The following ATP11B variants were observed in gnomAD, a reference collection of about 807,000 sequenced individuals.
ATP11B encodes the protein ATPase phospholipid transporting 11B (putative).
In ATP11B, 81 loss-of-function variants were observed where a neutral mutation model predicts 157.8. That is an observed-to-expected ratio of 0.51 (90% CI 0.43 to 0.62). The LOEUF (loss-of-function observed/expected upper bound fraction) is 0.62, where lower values mean the gene tolerates loss of function less well. Ranked by LOEUF, ATP11B falls within the 20% of genes least tolerant of loss-of-function variation. The pLI is 0.00. For synonymous variants in ATP11B, 451 were observed against 469.4 expected, an observed-to-expected ratio of 0.96 and a Z score of 0.51; for missense variants, 1,165 against 1,402.2, an observed-to-expected ratio of 0.83 and a Z score of 2.70.
Position 182,793,562 on chromosome 3 carries a change from C to T in ATP11B, c.-198C>T. On this transcript the variant is annotated 5_prime_UTR_variant, in exon 1 of 30. Coordinates refer to ENST00000323116, the MANE Select transcript of ATP11B (RefSeq NM_014616.3). ...TCAGCTGCGCCGGGCGGGGGCGGCG[C>T]CGGGGCCGCGCCTGTAGGACTCGGG... 1 of 364,326 alleles carries T rather than the reference C, an allele frequency of 2.7e-6. No homozygotes were observed. The allele number at this position is 364,326 out of a possible 1,614,324, so 22.6% of individuals were successfully genotyped here. A position where few individuals can be genotyped will look rare whatever the true frequency, so the allele number is the denominator to read the frequency against.
At position 182,889,444 on chromosome 3, in the gene ATP11B, A is replaced by G. The variant is rs1723026025; in HGVS notation, c.2878A>G (p.Thr960Ala). Residue 960 changes from threonine to alanine, a missense_variant, in exon 25 of 30, where the codon ACA becomes GCA. Physicochemically the swap from Thr to Ala is moderately conservative, Grantham distance 58. Coordinates refer to ENST00000323116, the MANE Select transcript of ATP11B (RefSeq NM_014616.3). ...TAAAAACCGCCTCTTAAGTATTAAA[A>G]CATTTCTTTATTGGACCATCCTGGG... Reference protein sequence around the residue: ...ISKNRLLSIKTFLYWTILGFS... With the variant: ...ISKNRLLSIKAFLYWTILGFS... 2 of 1,576,950 alleles carry G rather than the reference A, an allele frequency of 1.3e-6. No homozygotes were observed. Among genetic ancestry groups the G allele is most frequent in the Non-Finnish European group, 1.7e-6 (2 of 1,166,920 alleles).
chr3:182,913,555 T>C (rs558034354), intron 28 of ATP11B, among the ~76,000 whole-genome samples: 13 of 152,352 alleles, frequency 8.5e-5, no homozygotes, highest in Non-Finnish European at 1.3e-4. Flanking sequence ...GAGTGGTTGA[T>C]GGAAATCATT....
At chr3:182,838,785 T>TTATATATA (rs757823857) in intron 7 of ATP11B, among the ~76,000 whole-genome samples, 2 of 145,008 alleles carry the variant, frequency 1.4e-5, no homozygotes, top group African/African-American at 5.2e-5. Flanking sequence ...GTGCTATATA[T>TTATATATA]TATATATATA....
rs1577081868 is a variant in ATP11B, at chr3:182,889,337, T to C, written c.2844-73T>C. 8 of 1,053,704 alleles carry C rather than the reference T, an allele frequency of 7.6e-6. No homozygotes were observed. In the East Asian group the frequency reaches 2.0e-4, roughly 26 times the overall value. 65.3% of individuals were successfully genotyped at this position (1,053,704 alleles called of 1,614,324 possible). ...AATCTATCTTGTTTTTTAATTATCA[T>C]ATTATATTAATTGTTTAGTGGGCAA... On this transcript the variant is annotated intron_variant, in intron 24 of 29. Coordinates refer to ENST00000323116, the MANE Select transcript of ATP11B (RefSeq NM_014616.3).
intron 7 of ATP11B, 87 bp from the exon 8 acceptor site, chr3:182,841,988 A>AC (rs927469970): frequency 4.7e-6 from 4 of 856,992 alleles, no homozygotes; most frequent in Admixed American, 2.5e-5. Flanking sequence ...AAAAAAAAAA[A>AC]AAAAAAAAAC....
intron 1 of ATP11B, among the ~76,000 whole-genome samples, chr3:182,814,572 T>G (rs778498351): frequency 6.6e-6 from 1 of 151,766 alleles, no homozygotes; most frequent in Non-Finnish European, 1.5e-5. Flanking sequence ...CTTTGGGAGA[T>G]TGAGGAAGGA....
chr3:182,868,936 T>C (rs954854516), intron 15 of ATP11B, 142 bp from the exon 16 acceptor site: 3 of 570,524 alleles, frequency 5.3e-6, no homozygotes, highest in Non-Finnish European at 9.2e-6. Flanking sequence ...ATTAATGGCA[T>C]GTAACCTATC....
Position 182,824,111 on chromosome 3 carries a change from G to A in ATP11B, c.144+3735G>A, listed in dbSNP as rs543178356. On this transcript the variant is annotated intron_variant, in intron 2 of 29. Transcript: ENST00000323116. ...TCTTTTGTGCCTGACTTCTTTTTTC[G>A]TAACATAATGCTTTTGGGGTTCATT... 1.0e-3 allele frequency among the ~76,000 whole-genome samples: 157 copies of A among 151,482 alleles called. 2 individuals carry two copies. Among genetic ancestry groups the A allele is most frequent in the African/African-American group, 3.2e-3 (132 of 41,242 alleles).
rs1725416547 is a variant in ATP11B at position 182,920,591 on chromosome 3, A to AATC, written c.*2489_*2491dup. ...GCAAAATGCTAAATACGTTATTGCTAATCAGTGGTCTCAAATCGATTTGCC... is the reference window on the plus strand; with the variant it reads ...GCAAAATGCTAAATACGTTATTGCTAATCATCAGTGGTCTCAAATCGATTTGCC... On this transcript the variant is annotated 3_prime_UTR_variant, in exon 30 of 30. Transcript: ENST00000323116. The AATC allele has an allele frequency of 2.0e-5, 3 of 152,340 alleles. No individual in the cohort carries two copies. In the South Asian group the frequency reaches 6.2e-4, roughly 32 times the overall value. The allele number at this position is 152,340 out of a possible 1,614,324, so 9.4% of individuals were successfully genotyped here. A position where few individuals can be genotyped will look rare whatever the true frequency, so the allele number is the denominator to read the frequency against.
intron 1 of ATP11B, among the ~76,000 whole-genome samples, chr3:182,803,826 C>CA (rs980527320): frequency 3.9e-4 from 59 of 152,206 alleles, no homozygotes; most frequent in Admixed American, 1.9e-3. Flanking sequence ...TTCTCTTTCA[C>CA]ATACTCTGTC....
chr3:182,878,265 C>T (rs1011594958), intron 19 of ATP11B, among the ~76,000 whole-genome samples: 1 of 152,174 alleles, frequency 6.6e-6, no homozygotes, highest in Admixed American at 6.5e-5. Flanking sequence ...AGACTAAAAT[C>T]TATCAATATA....
intron 10 of ATP11B, among the ~76,000 whole-genome samples, chr3:182,855,736 G>A (rs1171893060): frequency 6.6e-6 from 1 of 152,092 alleles, no homozygotes; most frequent in Non-Finnish European, 1.5e-5. Flanking sequence ...TTCACCACAT[G>A]CATAATACAT....
At position 182,918,096 on chromosome 3, in the gene ATP11B, A is replaced by G. The variant is rs1289134809; in HGVS notation, c.3526A>G (p.Thr1176Ala). ...ILTLSTMDSS[T>A]C Reference sequence around the variant, plus strand: ...GACTCTCTCCACAATGGACTCATCTACTTGTTAAAGGGGCAGTAGTACTTT... The same window carrying G: ...GACTCTCTCCACAATGGACTCATCTGCTTGTTAAAGGGGCAGTAGTACTTT... The change falls in exon 30 of 30, where the codon ACT (threonine) becomes GCT (alanine). Residue 1176 changes from threonine (T) to alanine (A), a missense_variant. Thr to Ala is a moderately conservative substitution (Grantham distance 58, BLOSUM62 0). Transcript: ENST00000323116. The G allele has an allele frequency of 1.9e-6, 3 of 1,613,102 alleles. No individual in the cohort carries two copies. The highest frequency in any genetic ancestry group is 1.7e-5 in the Admixed American group (1 of 59,960).
intron 25 of ATP11B, among the ~76,000 whole-genome samples, chr3:182,894,022 A>G (rs1269935218): frequency 6.6e-6 from 1 of 151,914 alleles, no homozygotes; most frequent in Admixed American, 6.6e-5. Flanking sequence ...CCACTTTTTG[A>G]TGAGATTATC....
At chr3:182,872,613 A>G (rs1721747636) in intron 18 of ATP11B, 76 bp downstream of exon 18, 3 of 1,224,742 alleles carry the variant, frequency 2.4e-6, no homozygotes, top group Non-Finnish European at 3.4e-6. Flanking sequence ...AATATGTGAC[A>G]TAAATTCTCT....
intron 4 of ATP11B, among the ~76,000 whole-genome samples, chr3:182,832,308 G>T (rs1718212765): frequency 6.6e-6 from 1 of 152,144 alleles, no homozygotes; most frequent in East Asian, 1.9e-4. Flanking sequence ...AAGGCAAAAG[G>T]GGGAAATATA....
rs76029636 is a variant in ATP11B at position 182,824,150 on chromosome 3, G to A, written c.144+3774G>A. The stretch of plus-strand genomic sequence containing the variant: ...TTGGGGTTCATTTTTGTTGTTGCAA[G>A]TATTAGTATCAGTAATTCATTCCTT... On this transcript the variant is annotated intron_variant, in intron 2 of 29. Transcript: ENST00000323116. 3.6e-3 allele frequency among the ~76,000 whole-genome samples: 554 copies of A among 152,248 alleles called. 7 individuals carry two copies. The highest frequency in any genetic ancestry group is 0.013 in the African/African-American group (534 of 41,544).
chr3:182,820,744 A>G (rs1717288252), intron 2 of ATP11B, among the ~76,000 whole-genome samples: 1 of 152,124 alleles, frequency 6.6e-6, no homozygotes, highest in Non-Finnish European at 1.5e-5. Flanking sequence ...GTGTGTGTGT[A>G]TTTATTTATA....
At chr3:182,895,301 C>T (rs1723472773) in intron 25 of ATP11B, among the ~76,000 whole-genome samples, 1 of 152,008 alleles carries the variant, frequency 6.6e-6, no homozygotes, top group African/African-American at 2.4e-5. Context: ...TGATTCTCCT[C>T]TTGACAAATA....
Sources: gnomAD v4.1 joint callset for allele counts (sites outside exome capture counted in the v4.1 genomes callset) on GRCh38, gnomAD v4.1.1 for gene constraint, MANE v1.5 for transcripts, NCBI Gene and HGNC (gene_info 2026-07-23, HGNC 2026-07-21) for gene names.